ADAMTSL1: variants seen among roughly 807,000 people sequenced by gnomAD.
The protein encoded by ADAMTSL1 is ADAMTS-like protein 1.
A neutral mutation model predicts 201.8 loss-of-function variants in ADAMTSL1; 126 were observed. The observed-to-expected ratio is 0.62, with a 90% CI of 0.54 to 0.72. The LOEUF (loss-of-function observed/expected upper bound fraction) is 0.72. ADAMTSL1 is among the 30% of genes least tolerant of loss of function. The pLI, the probability that ADAMTSL1 is intolerant of heterozygous loss-of-function variation, is 0.00. For missense variants in ADAMTSL1, 2,679 were observed against 2,277.8 expected (o/e 1.18, Z -3.59); for synonymous variants, 1,121 against 903.4 (o/e 1.24, Z -4.32).
chr9:17,991,967 T>G (rs2131501746), intron 1 of ADAMTSL1, among the ~76,000 whole-genome samples: 1 of 152,226 alleles, frequency 6.6e-6, no homozygotes. Flanking sequence ...GGAGATCTCC[T>G]AATCACCAGG....
intron 2 of ADAMTSL1, among the ~76,000 whole-genome samples, chr9:18,334,312 A>G (rs1206572537): frequency 6.6e-6 from 1 of 152,134 alleles, no homozygotes; most frequent in Admixed American, 6.6e-5. Context: ...GAAAACCCTA[A>G]ACAGAGAGAT....
At chr9:18,797,791 A>ATT (rs1822524100) in intron 20 of ADAMTSL1, among the ~76,000 whole-genome samples, 1 of 152,218 alleles carries the variant, frequency 6.6e-6, no homozygotes, top group African/African-American at 2.4e-5. Context: ...CGTGTGAAAA[A>ATT]GCACTTAACC....
intron 7 of ADAMTSL1, among the ~76,000 whole-genome samples, chr9:18,650,371 C>T (rs996198528): frequency 7.9e-5 from 12 of 152,302 alleles, no homozygotes; most frequent in Middle Eastern, 3.4e-3. Context: ...CGCCCTGCTT[C>T]GGCTCGTGCA....
intron 13 of ADAMTSL1, among the ~76,000 whole-genome samples, chr9:18,688,576 G>A (rs1830987549): frequency 6.9e-6 from 1 of 145,506 alleles, no homozygotes; most frequent in African/African-American, 2.5e-5. Context: ...TCTGCGGCTG[G>A]AGGGTTGCTT....
intron 1 of ADAMTSL1, among the ~76,000 whole-genome samples, chr9:18,074,511 C>T (rs112094610): frequency 4.3e-5 from 4 of 93,588 alleles, no homozygotes; most frequent in East Asian, 8.4e-4. Context: ...CTTTTCTTTT[C>T]TTCTTTTCTT....
chr9:18,722,026 G>A (rs925758177), intron 15 of ADAMTSL1, among the ~76,000 whole-genome samples: 2 of 152,172 alleles, frequency 1.3e-5, no homozygotes, highest in African/African-American at 4.8e-5. Context: ...CCATAGTAAT[G>A]AACTGGTCTG....
At chr9:18,203,504 G>A (rs1829531431) in intron 2 of ADAMTSL1, among the ~76,000 whole-genome samples, 1 of 151,160 alleles carries the variant, frequency 6.6e-6, no homozygotes, top group East Asian at 1.9e-4. Flanking sequence ...CTAGGCTCAG[G>A]ATAGATACTA....
chr9:17,975,590 A>T (rs1424355949), intron 1 of ADAMTSL1, among the ~76,000 whole-genome samples: 1 of 152,004 alleles, frequency 6.6e-6, no homozygotes, highest in African/African-American at 2.4e-5. Flanking sequence ...GGGGTCACAA[A>T]CATTGAGACC....
intron 2 of ADAMTSL1, among the ~76,000 whole-genome samples, chr9:18,305,115 C>T (rs927009431): frequency 3.9e-5 from 6 of 152,140 alleles, no homozygotes; most frequent in African/African-American, 1.2e-4. Context: ...TCAGGAACTC[C>T]CTCTCCTAGA....
chr9:18,837,380 G>A (rs1825377140), intron 23 of ADAMTSL1, among the ~76,000 whole-genome samples: 1 of 152,152 alleles, frequency 6.6e-6, no homozygotes, highest in Non-Finnish European at 1.5e-5. Flanking sequence ...AGTTGCCTTT[G>A]CATCTTTCTG....
chr9:18,864,230 T>G (rs1434542824), intron 23 of ADAMTSL1, among the ~76,000 whole-genome samples: 2 of 152,218 alleles, frequency 1.3e-5, no homozygotes, highest in Admixed American at 1.3e-4. Context: ...TTTTACTCTG[T>G]GCAATCTGTT....
intron 20 of ADAMTSL1, among the ~76,000 whole-genome samples, chr9:18,799,296 GGA>G: frequency 6.6e-6 from 1 of 152,336 alleles, no homozygotes; most frequent in East Asian, 1.9e-4. Flanking sequence ...GCTAGGTAAA[GGA>G]GAGTCTCTGA....
intron 1 of ADAMTSL1, among the ~76,000 whole-genome samples, chr9:17,945,496 G>T (rs1827422980): frequency 6.6e-6 from 1 of 151,740 alleles, no homozygotes; most frequent in South Asian, 2.1e-4. Context: ...AAATCATGTG[G>T]CTGTAAAGAC....
At chr9:18,144,575 A>G (rs1826547826) in intron 1 of ADAMTSL1, among the ~76,000 whole-genome samples, 1 of 151,932 alleles carries the variant, frequency 6.6e-6, no homozygotes, top group African/African-American at 2.4e-5. Flanking sequence ...TTTTCCTCCT[A>G]TTTCAGTGCC....
At chr9:18,423,548 G>A (rs190764647) in intron 2 of ADAMTSL1, among the ~76,000 whole-genome samples, 28 of 152,276 alleles carry the variant, frequency 1.8e-4, no homozygotes, top group African/African-American at 4.1e-4. Context: ...TTTTGGAGGC[G>A]AGGCATTGTA....
intron 14 of ADAMTSL1, chr9:18,718,415 A>G (rs1833102539): frequency 7.5e-6 from 5 of 668,616 alleles, no homozygotes; most frequent in Non-Finnish European, 1.4e-5. Context: ...TTCTATAAGA[A>G]TCTTCTATCA....
chr9:18,672,773 C>T (rs536442756), intron 9 of ADAMTSL1, among the ~76,000 whole-genome samples: 2 of 152,298 alleles, frequency 1.3e-5, no homozygotes, highest in African/African-American at 2.4e-5. Flanking sequence ...CTGAATCATT[C>T]TCCTGAATTG....
chr9:18,056,932 T>C (rs969077374), intron 1 of ADAMTSL1, among the ~76,000 whole-genome samples: 1 of 152,176 alleles, frequency 6.6e-6, no homozygotes, highest in Non-Finnish European at 1.5e-5. Flanking sequence ...TTAGACCTTG[T>C]CAGGACGGCA....
rs993272784 is a variant in ADAMTSL1 at position 17,959,232 on chromosome 9, T to A, written c.87+52310T>A. On this transcript the variant is annotated intron_variant, in intron 1 of 29. Transcript: ENST00000680146. ...AGAATTTGGCTGAACAGCATTTAGA[T>A]GTTATTTGATTAATGTCATTTGTCA... Among the ~76,000 whole-genome samples, 32 of 152,130 alleles carry A rather than the reference T, an allele frequency of 2.1e-4. 1 individual carries two copies. The highest frequency in any genetic ancestry group is 7.7e-4 in the African/African-American group (32 of 41,432).
Sources: allele counts gnomAD v4.1 joint callset (sites outside exome capture counted in the v4.1 genomes callset), GRCh38; gene constraint gnomAD v4.1.1; transcripts MANE v1.5; gene names NCBI Gene and HGNC (gene_info 2026-07-23, HGNC 2026-07-21).